Variants in NUDT3 observed in about 807,000 individuals in gnomAD.
NUDT3 encodes diphosphoinositol polyphosphate phosphohydrolase 1.
NUDT3 carries 9 observed loss-of-function variants against 23.6 expected under a neutral mutation model. The ratio of observed to expected loss-of-function variants is 0.38; its 90% CI spans 0.23 to 0.66. The LOEUF (loss-of-function observed/expected upper bound fraction) is 0.66. NUDT3 is among the 30% of genes least tolerant of loss of function. The probability of loss-of-function intolerance (pLI) is 0.52; values close to 1 mark genes in which losing one functional copy is unlikely to be tolerated. For missense variants in NUDT3, 172 were observed against 218.5 expected (o/e 0.79, Z 1.34); for synonymous variants, 86 against 82.6 (o/e 1.04, Z -0.22).
chr6:34,327,861 C>T (rs1764065831), intron 2 of NUDT3, among the ~76,000 whole-genome samples: 1 of 152,150 alleles, frequency 6.6e-6, no homozygotes, highest in South Asian at 2.1e-4. Context: ...CCAAGGAGCC[C>T]TCAAGCGGCC....
At chr6:34,365,850 T>TGGCCA (rs1327129244) in intron 1 of NUDT3, among the ~76,000 whole-genome samples, 2 of 152,122 alleles carry the variant, frequency 1.3e-5, no homozygotes, top group Non-Finnish European at 2.9e-5. Context: ...AAGACTGGCC[T>TGGCCA]GGCCAACATG....
At chr6:34,324,183 G>A (rs1374645243) in intron 2 of NUDT3, among the ~76,000 whole-genome samples, 1 of 151,956 alleles carries the variant, frequency 6.6e-6, no homozygotes, top group Non-Finnish European at 1.5e-5. Flanking sequence ...GGGAAACCCC[G>A]TCTCTACTAA....
At chr6:34,385,914 G>C (rs775360979) in intron 1 of NUDT3, among the ~76,000 whole-genome samples, 49 of 152,200 alleles carry the variant, frequency 3.2e-4, no homozygotes, top group Non-Finnish European at 5.6e-4. Flanking sequence ...AAATTCCTGG[G>C]CTCATGTGAT....
chr6:34,339,391 C>G (rs1436301726), intron 2 of NUDT3, among the ~76,000 whole-genome samples: 1 of 152,284 alleles, frequency 6.6e-6, no homozygotes, highest in East Asian at 1.9e-4. Flanking sequence ...TCCACAAGAT[C>G]CATCAGGAGA....
rs443351 is a variant in NUDT3, at chr6:34,355,627, A to G, written c.100-13655T>C. On this transcript the variant is annotated intron_variant, in intron 1 of 4. Coordinates refer to ENST00000607016, the MANE Select transcript of NUDT3 (RefSeq NM_006703.4). Reference sequence around the variant, plus strand: ...AAGTAAAGAAATTGTGTAGAATGATACTACTTCTTAAATATCTTTAGAATT... The same window carrying G: ...AAGTAAAGAAATTGTGTAGAATGATGCTACTTCTTAAATATCTTTAGAATT... Among the ~76,000 whole-genome samples, 327 of 136,316 alleles carry G rather than the reference A, an allele frequency of 2.4e-3. 1 individual carries two copies. Among genetic ancestry groups the G allele is most frequent in the African/African-American group, 8.7e-3 (310 of 35,718 alleles). The allele number at this position is 136,316 out of a possible 152,430, so 89.4% of individuals were successfully genotyped here. A position where few individuals can be genotyped will look rare whatever the true frequency, so the allele number is the denominator to read the frequency against.
At chr6:34,302,499 G>A (rs1005862070) in intron 2 of NUDT3, among the ~76,000 whole-genome samples, 7 of 152,170 alleles carry the variant, frequency 4.6e-5, no homozygotes, top group Admixed American at 3.3e-4. Context: ...TTGGGAGGCC[G>A]AGGTGGGCAG....
chr6:34,325,956 G>A (rs558547929), intron 2 of NUDT3, among the ~76,000 whole-genome samples: 2 of 152,190 alleles, frequency 1.3e-5, no homozygotes, highest in Non-Finnish European at 2.9e-5. Flanking sequence ...AAGTACTTAC[G>A]CTTATTTTCT....
In NUDT3 at chr6:34,392,551, C is replaced by T; in HGVS notation, c.-189G>A. ...CATTCCCCCAGGCCCAGGTCCCGCG[C>T]CGCCGCTGCCACCGTCACGGCTGCC... On this transcript the variant is annotated 5_prime_UTR_variant, in exon 1 of 5. Coordinates refer to ENST00000607016, the MANE Select transcript of NUDT3 (RefSeq NM_006703.4). 1 of 388,720 alleles carries T rather than the reference C, an allele frequency of 2.6e-6. No homozygotes were observed. Among genetic ancestry groups the T allele is most frequent in the East Asian group, 4.1e-5 (1 of 24,116 alleles). 24.1% of individuals were successfully genotyped at this position (388,720 alleles called of 1,614,324 possible). A position where few individuals can be genotyped will look rare whatever the true frequency, so the allele number is the denominator to read the frequency against.
chr6:34,292,641 T>C (rs1254654276), intron 4 of NUDT3, among the ~76,000 whole-genome samples: 1 of 151,782 alleles, frequency 6.6e-6, no homozygotes, highest in Non-Finnish European at 1.5e-5. Flanking sequence ...GATATATTCA[T>C]ATTTTATAAG....
chr6:34,376,381 T>G (rs1358116940), intron 1 of NUDT3, among the ~76,000 whole-genome samples: 1 of 152,114 alleles, frequency 6.6e-6, no homozygotes, highest in African/African-American at 2.4e-5. Flanking sequence ...CAGGCTCAAG[T>G]GATCCTCCCA....
chr6:34,317,414 AG>A (rs1444197181), intron 2 of NUDT3, among the ~76,000 whole-genome samples: 1 of 152,092 alleles, frequency 6.6e-6, no homozygotes, highest in Non-Finnish European at 1.5e-5. Context: ...AAGCAGACAA[AG>A]AAAAAAAAAA....
chr6:34,359,109 C>T (rs996860340), intron 1 of NUDT3, among the ~76,000 whole-genome samples: 2 of 152,184 alleles, frequency 1.3e-5, no homozygotes, highest in African/African-American at 2.4e-5. Flanking sequence ...TGCGGTGGCT[C>T]ATGCCTGTAA....
chr6:34,349,599 G>T (rs1764435618), intron 1 of NUDT3, among the ~76,000 whole-genome samples: 2 of 150,582 alleles, frequency 1.3e-5, no homozygotes, highest in South Asian at 4.2e-4. Flanking sequence ...GAATCTTCCA[G>T]CCAGAATGAG....
intron 1 of NUDT3, among the ~76,000 whole-genome samples, chr6:34,345,201 A>T (rs1764346938): frequency 6.6e-6 from 1 of 151,458 alleles, no homozygotes; most frequent in African/African-American, 2.4e-5. Context: ...GGTGCCCACG[A>T]CCACGTCCAG....
rs778044777 is a variant in NUDT3 at position 34,284,213 on chromosome 6, C to T, written c.*4540G>A. ...CCATTTGCATTATTTAATCACCATT[C>T]AATAATCTCCTCCCTCCCCATAGCT... is the stretch of plus-strand genomic sequence containing the variant. On this transcript the variant is annotated 3_prime_UTR_variant, in exon 5 of 5. Transcript: ENST00000607016. The T allele has an allele frequency of 1.3e-5, 2 of 152,196 alleles. No homozygotes were observed. Among genetic ancestry groups the T allele is most frequent in the Admixed American group, 6.5e-5 (1 of 15,278 alleles). 9.4% of individuals were successfully genotyped at this position (152,196 alleles called of 1,614,324 possible). A position where few individuals can be genotyped will look rare whatever the true frequency, so the allele number is the denominator to read the frequency against.
At position 34,369,514 on chromosome 6, in the gene NUDT3, G is replaced by A. The variant is rs145272821; in HGVS notation, c.99+22750C>T. Among the ~76,000 whole-genome samples, 518 of 152,300 alleles carry A rather than the reference G, an allele frequency of 3.4e-3. 1 individual carries two copies. The highest frequency in any genetic ancestry group is 4.9e-3 in the Non-Finnish European group (333 of 68,032). ...CAGAGGAGACGGCTGCTCTGATGAAGTCACAGTTAAGGAGAGGGGTCTTGT... is the reference window on the plus strand; with the variant it reads ...CAGAGGAGACGGCTGCTCTGATGAAATCACAGTTAAGGAGAGGGGTCTTGT... On this transcript the variant is annotated intron_variant, in intron 1 of 4. Coordinates refer to ENST00000607016, the MANE Select transcript of NUDT3 (RefSeq NM_006703.4).
chr6:34,325,353 T>C (rs1301162663), intron 2 of NUDT3, among the ~76,000 whole-genome samples: 1 of 152,128 alleles, frequency 6.6e-6, no homozygotes, highest in African/African-American at 2.4e-5. Context: ...GAACTATAAG[T>C]GCAAGCCACC....
chr6:34,382,450 CTT>C lies in NUDT3; in HGVS notation c.99+9812_99+9813del, dbSNP rs111708339. 8.6e-3 allele frequency among the ~76,000 whole-genome samples: 1,302 copies of C among 152,138 alleles called. 19 individuals carry two copies. Among genetic ancestry groups the C allele is most frequent in the African/African-American group, 0.027 (1,120 of 41,498 alleles). ...AAAGTATAAGCACAATGTAACTTCTCTTTTTTTGTTTGTTTTGTAACTTTTCT... is the reference window on the plus strand; with the variant it reads ...AAAGTATAAGCACAATGTAACTTCTCTTTTTGTTTGTTTTGTAACTTTTCT... On this transcript the variant is annotated intron_variant, in intron 1 of 4. Transcript: ENST00000607016.
At chr6:34,305,174 G>C (rs561196375) in intron 2 of NUDT3, among the ~76,000 whole-genome samples, 1 of 151,284 alleles carries the variant, frequency 6.6e-6, no homozygotes, top group Non-Finnish European at 1.5e-5. Context: ...GTAGAGATGG[G>C]GTTTTACCAT....
Sources: allele counts gnomAD v4.1 joint callset (sites outside exome capture counted in the v4.1 genomes callset), GRCh38; gene constraint gnomAD v4.1.1; transcripts MANE v1.5; gene names NCBI Gene and HGNC (gene_info 2026-07-23, HGNC 2026-07-21).